MLLT3: variants seen among roughly 807,000 people sequenced by gnomAD.
MLLT3 encodes protein AF-9.
In MLLT3, 4 loss-of-function variants were observed where a neutral mutation model predicts 53.2. That is an observed-to-expected ratio of 0.08 (90% confidence interval 0.04 to 0.17). MLLT3 has a LOEUF of 0.17. Among genes scored for constraint, MLLT3 ranks in the 10% least tolerant of loss-of-function variants. The pLI, the probability that MLLT3 is intolerant of heterozygous loss-of-function variation, is 1.00. For missense variants in MLLT3, 569 were observed against 684.0 expected, an observed-to-expected ratio of 0.83 and a Z score of 1.87; for synonymous variants, 283 against 230.6, an observed-to-expected ratio of 1.23 and a Z score of -2.06.
intron 2 of MLLT3, among the ~76,000 whole-genome samples, chr9:20,616,960 C>A (rs1365597866): frequency 6.6e-6 from 1 of 152,126 alleles, no homozygotes; most frequent in Non-Finnish European, 1.5e-5. Flanking sequence ...CAAAATACCC[C>A]TGCCCGATTT....
intron 2 of MLLT3, among the ~76,000 whole-genome samples, chr9:20,565,042 C>T (rs949102644): frequency 1.3e-5 from 2 of 152,030 alleles, no homozygotes; most frequent in South Asian, 4.1e-4. Context: ...AATATGATAT[C>T]ACTATAGTAC....
intron 2 of MLLT3, among the ~76,000 whole-genome samples, chr9:20,508,424 C>A (rs915872750): frequency 1.3e-5 from 2 of 152,150 alleles, no homozygotes; most frequent in Admixed American, 6.5e-5. Context: ...AGGACACTAC[C>A]GCAGTGCCAA....
At chr9:20,385,770 G>C (rs1351759666) in intron 5 of MLLT3, among the ~76,000 whole-genome samples, 3 of 152,112 alleles carry the variant, frequency 2.0e-5, no homozygotes, top group African/African-American at 4.8e-5. Flanking sequence ...TTCTCAAGAA[G>C]TTACCTACAA....
chr9:20,529,549 T>TA (rs1370169483), intron 2 of MLLT3, among the ~76,000 whole-genome samples: 1 of 152,188 alleles, frequency 6.6e-6, no homozygotes, highest in African/African-American at 2.4e-5. Context: ...GACCTTTCTC[T>TA]AAAAGTATCA....
intron 2 of MLLT3, among the ~76,000 whole-genome samples, chr9:20,513,428 G>T (rs968245844): frequency 1.3e-5 from 2 of 152,174 alleles, no homozygotes; most frequent in African/African-American, 4.8e-5. Flanking sequence ...GAGTACCAAT[G>T]CGGGCGAAAG....
intron 2 of MLLT3, among the ~76,000 whole-genome samples, chr9:20,546,199 G>A (rs989892338): frequency 6.6e-6 from 1 of 152,118 alleles, no homozygotes; most frequent in African/African-American, 2.4e-5. Context: ...CAAAGACACA[G>A]ATTGTAAAAA....
chr9:20,474,529 G>T (rs777075746), intron 2 of MLLT3, among the ~76,000 whole-genome samples: 1 of 151,802 alleles, frequency 6.6e-6, no homozygotes, highest in Admixed American at 6.6e-5. Flanking sequence ...TACAAGGCTC[G>T]GTCTACCACC....
At chr9:20,432,267 T>C (rs936098051) in intron 4 of MLLT3, among the ~76,000 whole-genome samples, 1 of 152,210 alleles carries the variant, frequency 6.6e-6, no homozygotes, top group Non-Finnish European at 1.5e-5. Flanking sequence ...AGTGAATAAA[T>C]GCTTGAATAA....
At chr9:20,549,900 C>T (rs73434506) in intron 2 of MLLT3, among the ~76,000 whole-genome samples, 4,626 of 152,266 alleles carry the variant, frequency 0.03, 248 homozygotes, top group African/African-American at 0.1. Context: ...AAAATGGAGT[C>T]AATCCAACCA....
At chr9:20,490,035 C>T (rs1216398404) in intron 2 of MLLT3, among the ~76,000 whole-genome samples, 2 of 152,156 alleles carry the variant, frequency 1.3e-5, no homozygotes, top group African/African-American at 2.4e-5. Flanking sequence ...ATGGTACCCA[C>T]CTTCAAGGAA....
At chr9:20,347,075 CAAAA>C (rs11295975) in intron 10 of MLLT3, among the ~76,000 whole-genome samples, 9 of 82,992 alleles carry the variant, frequency 1.1e-4, no homozygotes, top group African/African-American at 3.3e-4. Context: ...CAGGAACTCC[CAAAA>C]AAAAAAAAAA....
intron 5 of MLLT3, among the ~76,000 whole-genome samples, chr9:20,389,120 C>T (rs1029009291): frequency 2.6e-5 from 4 of 152,196 alleles, no homozygotes; most frequent in Admixed American, 6.5e-5. Context: ...TCCAAGTGTC[C>T]ATCAGCCAAT....
At chr9:20,439,519 C>A (rs536732176) in intron 4 of MLLT3, among the ~76,000 whole-genome samples, 5 of 150,496 alleles carry the variant, frequency 3.3e-5, no homozygotes, top group Admixed American at 3.3e-4. Flanking sequence ...CAAAACAGTT[C>A]TTTTGTTCTC....
intron 5 of MLLT3, among the ~76,000 whole-genome samples, chr9:20,386,934 C>T (rs560699929): frequency 2.8e-4 from 42 of 152,290 alleles, no homozygotes; most frequent in Non-Finnish European, 4.6e-4. Context: ...GTTGACTTTT[C>T]ATATCCTTTT....
At chr9:20,525,452 T>C (rs953974544) in intron 2 of MLLT3, among the ~76,000 whole-genome samples, 1 of 152,160 alleles carries the variant, frequency 6.6e-6, no homozygotes, top group East Asian at 1.9e-4. Flanking sequence ...GCTGAGATCC[T>C]GCCACTGCAC....
intron 10 of MLLT3, among the ~76,000 whole-genome samples, chr9:20,352,330 G>A (rs970122041): frequency 3.9e-5 from 6 of 152,210 alleles, no homozygotes; most frequent in Admixed American, 2.0e-4. Flanking sequence ...TGTTTGGGAA[G>A]AGACGAGAAA....
intron 2 of MLLT3, among the ~76,000 whole-genome samples, chr9:20,472,861 C>T (rs1824429249): frequency 6.6e-6 from 1 of 151,496 alleles, no homozygotes; most frequent in South Asian, 2.1e-4. Context: ...AAAGAAACTT[C>T]AACTGCTATT....
intron 2 of MLLT3, among the ~76,000 whole-genome samples, chr9:20,581,555 T>C (rs1232080361): frequency 6.6e-6 from 1 of 152,170 alleles, no homozygotes; most frequent in Non-Finnish European, 1.5e-5. Flanking sequence ...AAAGGATCTA[T>C]GCAATTCTTT....
chr9:20,622,467 A>G lies in MLLT3; in HGVS notation c.-211T>C, dbSNP rs1406175986. On this transcript the variant is annotated 5_prime_UTR_variant, in exon 1 of 11. Transcript: ENST00000380338. Reference sequence around the variant, plus strand: ...CAGCCCCAAAAGCAAAAGCAGCAGCAGCAGCAGCAGCTCCAGGGTAAAGAA... The same window carrying G: ...CAGCCCCAAAAGCAAAAGCAGCAGCGGCAGCAGCAGCTCCAGGGTAAAGAA... 1.9e-6 allele frequency: 1 copy of G among 540,268 alleles called. No individual in the cohort carries two copies. Among genetic ancestry groups the G allele is most frequent in the Non-Finnish European group, 3.3e-6 (1 of 304,822 alleles). 33.5% of individuals were successfully genotyped at this position (540,268 alleles called of 1,614,324 possible).
Sources: gnomAD v4.1 joint callset for allele counts (sites outside exome capture counted in the v4.1 genomes callset) on GRCh38, gnomAD v4.1.1 for gene constraint, MANE v1.5 for transcripts, NCBI Gene and HGNC (gene_info 2026-07-23, HGNC 2026-07-21) for gene names.